The following SPMIP8 variants were observed in gnomAD, a reference collection of about 807,000 sequenced individuals.
The protein encoded by SPMIP8 is testicular tissue protein Li 196.
chr16:57,985,976 C>A, the SPMIP8 span: 1 of 1,587,128 alleles, frequency 6.3e-7, no homozygotes, highest in Non-Finnish European at 8.6e-7. Flanking sequence ...CCACAGCCAA[C>A]CACGTTCTCA....
the SPMIP8 span, chr16:57,976,732 C>T: frequency 7.1e-7 from 1 of 1,411,772 alleles, no homozygotes; most frequent in Non-Finnish European, 9.7e-7. Flanking sequence ...GCAGCTTCCC[C>T]ATGCCTTGTC....
At chr16:57,986,033 C>G in the SPMIP8 span, 1 of 1,470,600 alleles carries the variant, frequency 6.8e-7, no homozygotes, top group South Asian at 1.4e-5. Flanking sequence ...CTGAAACCCC[C>G]CTGCCCCAGC....
At chr16:57,987,369 C>A in the SPMIP8 span, 1 of 1,536,934 alleles carries the variant, frequency 6.5e-7, no homozygotes, top group Non-Finnish European at 8.7e-7. Context: ...CTGGAAACCC[C>A]CACCTCACCC....
At chr16:57,984,411 C>T in the SPMIP8 span, 1 of 1,586,074 alleles carries the variant, frequency 6.3e-7, no homozygotes, top group South Asian at 1.1e-5. Context: ...GGGCACCAGC[C>T]CCAAGCACCT....
the SPMIP8 span, chr16:57,985,452 C>T: frequency 3.1e-6 from 5 of 1,613,826 alleles, no homozygotes; most frequent in Non-Finnish European, 4.2e-6. Context: ...CCCCGACTCA[C>T]CGCGCCCCTA....
At chr16:57,981,413 A>T in the SPMIP8 span, among the ~76,000 whole-genome samples, 157 of 137,448 alleles carry the variant, frequency 1.1e-3, 3 homozygotes, top group East Asian at 1.1e-3. Flanking sequence ...TTATAATAAT[A>T]ATTATTATTA....
chr16:57,984,843 G>A, the SPMIP8 span: 71 of 1,563,404 alleles, frequency 4.5e-5, no homozygotes, highest in Non-Finnish European at 2.9e-5. Context: ...GAACTGCCGG[G>A]CAGGTGGGCC....
the SPMIP8 span, chr16:57,987,433 G>A: frequency 1.3e-6 from 2 of 1,592,432 alleles, no homozygotes; most frequent in Non-Finnish European, 1.7e-6. Context: ...TTAATCTCTG[G>A]AAAGGAGGCT....
the SPMIP8 span, chr16:57,978,061 C>T: frequency 3.7e-6 from 6 of 1,602,710 alleles, no homozygotes; most frequent in Admixed American, 1.0e-4. Context: ...AGTGTAGGAT[C>T]CCCTTTGGGG....
the SPMIP8 span, among the ~76,000 whole-genome samples, chr16:57,978,829 C>A: frequency 1.3e-5 from 2 of 152,044 alleles, no homozygotes; most frequent in Admixed American, 1.3e-4. Context: ...TGTTGCCTAG[C>A]CTGGTCTCAA....
chr16:57,985,349 G>T, the SPMIP8 span: 2 of 1,574,204 alleles, frequency 1.3e-6, no homozygotes, highest in Non-Finnish European at 8.6e-7. Context: ...GGGGTTGAGG[G>T]GGGAGGAGAC....
the SPMIP8 span, chr16:57,976,654 C>T: frequency 1.2e-6 from 2 of 1,611,638 alleles, no homozygotes; most frequent in African/African-American, 2.7e-5. Flanking sequence ...AAGCAGGGAG[C>T]CCTTGCTCTC....
At chr16:57,984,053 G>A in the SPMIP8 span, among the ~76,000 whole-genome samples, 4 of 151,684 alleles carry the variant, frequency 2.6e-5, no homozygotes, top group Admixed American at 6.6e-5. Flanking sequence ...ACAGGTGCTC[G>A]CCACCATGCC....
chr16:57,980,325 T>C, the SPMIP8 span, among the ~76,000 whole-genome samples: 1 of 152,242 alleles, frequency 6.6e-6, no homozygotes, highest in Non-Finnish European at 1.5e-5. Context: ...CAAACATGCA[T>C]GTAACATACA....
At chr16:57,977,723 C>A in the SPMIP8 span, 3 of 1,373,916 alleles carry the variant, frequency 2.2e-6, no homozygotes, top group Non-Finnish European at 3.0e-6. Context: ...GGCAAGTAGA[C>A]ATCGGCACTG....
the SPMIP8 span, among the ~76,000 whole-genome samples, chr16:57,981,596 C>T: frequency 2.1e-5 from 3 of 139,974 alleles, no homozygotes; most frequent in South Asian, 7.2e-4. Context: ...ACTGCAACTT[C>T]CGCCTCCCCG....
chr16:57,985,096 TGGGGCTGGATTGTGGGC>T, the SPMIP8 span: 20,763 of 1,052,730 alleles, frequency 0.02, 210 homozygotes, highest in African/African-American at 0.033. Flanking sequence ...CACGTGTGGG[TGGGGCTGGATTGTGGGC>T]GGGGCTGGAT....
At chr16:57,984,768 T>G in the SPMIP8 span, 1 of 1,608,670 alleles carries the variant, frequency 6.2e-7, no homozygotes, top group Middle Eastern at 1.7e-4. Context: ...CCACTTCGTG[T>G]CCTCGGCCGG....
At chr16:57,977,407 C>A in the SPMIP8 span, among the ~76,000 whole-genome samples, 221 of 99,726 alleles carry the variant, frequency 2.2e-3, no homozygotes, top group East Asian at 4.4e-3. Flanking sequence ...GAGACTGTCT[C>A]AAAAAAAAAA....
Sources: gnomAD v4.1 joint callset for allele counts (sites outside exome capture counted in the v4.1 genomes callset) on GRCh38, gnomAD v4.1.1 for gene constraint, MANE v1.5 for transcripts, NCBI Gene and HGNC (gene_info 2026-07-23, HGNC 2026-07-21) for gene names.